Variants in TMEM220 observed in about 807,000 individuals in gnomAD.
The protein encoded by TMEM220 is transmembrane protein 220.
Under a neutral mutation model 21.7 loss-of-function variants are expected in TMEM220, and 21 were observed. The ratio of observed to expected loss-of-function variants is 0.97; its 90% CI spans 0.69 to 1.39. TMEM220 has a LOEUF of 1.39. Among genes scored for constraint, TMEM220 ranks in the 40% most tolerant of loss-of-function variants. The pLI, the probability that TMEM220 is intolerant of heterozygous loss-of-function variation, is 0.00. For missense variants in TMEM220, 191 were observed against 201.9 expected, an observed-to-expected ratio of 0.95 and a Z score of 0.33; for synonymous variants, 80 against 73.6, an observed-to-expected ratio of 1.09 and a Z score of -0.45.
chr17:10,723,321 G>C lies in TMEM220; in HGVS notation c.296C>G (p.Ser99Cys). 6.2e-7 allele frequency: 1 copy of C among 1,613,986 alleles called. No homozygotes were observed. The highest frequency in any genetic ancestry group is 8.5e-7 in the Non-Finnish European group (1 of 1,179,922). The change falls in exon 5 of 6, where the codon TCT becomes TGT. Residue 99 changes from serine (S) to cysteine (C), a missense_variant. Coordinates refer to ENST00000341871, the MANE Select transcript of TMEM220 (RefSeq NM_001004313.3). Reference protein sequence around the residue: ...ILHEEEGRELSGLVIITAWII... With the variant: ...ILHEEEGRELCGLVIITAWII... ...CCATGCTGTAATAATCACCAGACCAGACAGCTCCCTATAAAAGGGTGTACA... is the reference window on the plus strand; with the variant it reads ...CCATGCTGTAATAATCACCAGACCACACAGCTCCCTATAAAAGGGTGTACA...
chr17:10,729,758 C>T, intron 1 of TMEM220, 22 bp downstream of exon 1: 3 of 1,347,990 alleles, frequency 2.2e-6, no homozygotes, highest in Non-Finnish European at 2.9e-6. Flanking sequence ...GGCGGGTCCC[C>T]CTCCCACCGC....
chr17:10,711,393 C>T (rs556610845), downstream of TMEM220, among the ~76,000 whole-genome samples: 27 of 152,166 alleles, frequency 1.8e-4, no homozygotes, highest in African/African-American at 6.5e-4. Context: ...GCATATAGTC[C>T]TCATGAGGGA....
intron 5 of TMEM220, among the ~76,000 whole-genome samples, chr17:10,718,343 C>CTT (rs1481969196): frequency 6.6e-6 from 1 of 151,868 alleles, no homozygotes; most frequent in Non-Finnish European, 1.5e-5. Flanking sequence ...TCCTTGTGCT[C>CTT]TTTTTTCCTT....
At chr17:10,729,730 G>T (rs1054083190) in intron 1 of TMEM220, 50 bp downstream of exon 1, 4 of 1,307,468 alleles carry the variant, frequency 3.1e-6, no homozygotes, top group African/African-American at 1.5e-5. Flanking sequence ...CTAGGCCAGG[G>T]GGCGGAGCTG....
chr17:10,712,679 CAAGT>C (rs1220051213), downstream of TMEM220, among the ~76,000 whole-genome samples: 1 of 152,082 alleles, frequency 6.6e-6, no homozygotes, highest in Admixed American at 6.6e-5. Context: ...AAGAGTATAT[CAAGT>C]AAAATAGCAA....
rs756116273 is a variant in TMEM220 at position 10,715,560 on chromosome 17, C to T, written c.376G>A (p.Ala126Thr). 4 of 1,593,100 alleles carry T rather than the reference C, an allele frequency of 2.5e-6. No individual in the cohort carries two copies. In the Admixed American group the frequency reaches 7.5e-5, roughly 30 times the overall value. The change falls in exon 6 of 6, where the codon GCT becomes ACT. Residue 126 changes from alanine (A) to threonine (T), a missense_variant. Physicochemically the swap from Ala to Thr is moderately conservative, Grantham distance 58 (BLOSUM62 0). Transcript: ENST00000341871. Reference protein sequence around the residue: ...KNPVGGRIQLAIAIVITLFPF... With the variant: ...KNPVGGRIQLTIAIVITLFPF... Reference sequence around the variant, plus strand: ...AAAAGTGTGATTACAATGGCAATAGCCAATTGAATTCTTCCACCAACTGGA... The same window carrying T: ...AAAAGTGTGATTACAATGGCAATAGTCAATTGAATTCTTCCACCAACTGGA...
Position 10,726,509 on chromosome 17 carries a change from G to C in TMEM220, c.103-245C>G, listed in dbSNP as rs534874951. 9 of 544,504 alleles carry C rather than the reference G, an allele frequency of 1.7e-5. No homozygotes were observed. In the East Asian group the frequency reaches 1.8e-4, roughly 11 times the overall value. 33.7% of individuals were successfully genotyped at this position (544,504 alleles called of 1,614,324 possible). ...CTATTCCAGAAGCTCATTTATCTTT[G>C]AGCTCTAACACTGAGCACAGGGTTT... is the stretch of plus-strand genomic sequence containing the variant. On this transcript the variant is annotated intron_variant, in intron 2 of 5. Coordinates refer to ENST00000341871, the MANE Select transcript of TMEM220 (RefSeq NM_001004313.3).
At chr17:10,727,009 G>A (rs2075056480) in intron 2 of TMEM220, among the ~76,000 whole-genome samples, 1 of 152,178 alleles carries the variant, frequency 6.6e-6, no homozygotes, top group Admixed American at 6.5e-5. Context: ...AAGATGTTAA[G>A]GCAGGTGCCA....
At chr17:10,722,495 T>G (rs2075004489) in intron 5 of TMEM220, among the ~76,000 whole-genome samples, 1 of 152,200 alleles carries the variant, frequency 6.6e-6, no homozygotes, top group African/African-American at 2.4e-5. Context: ...CTACCAGTGG[T>G]TACCCTAATG....
rs1294033004 is a variant in TMEM220 at position 10,729,918 on chromosome 17, C to G, written c.-67G>C. 1.6e-6 allele frequency: 2 copies of G among 1,253,372 alleles called. No homozygotes were observed. Among genetic ancestry groups the G allele is most frequent in the Non-Finnish European group, 2.0e-6 (2 of 997,042 alleles). 77.6% of individuals were successfully genotyped at this position (1,253,372 alleles called of 1,614,324 possible). ...GCGGGGCGGTGAGTCCTGCCACGTA[C>G]GGTCCGCCTTCCTCCTTGCGCGGAG... is the stretch of plus-strand genomic sequence containing the variant. On this transcript the variant is annotated 5_prime_UTR_variant, in exon 1 of 6. Transcript: ENST00000341871.
At chr17:10,720,275 A>C (rs1248547495) in intron 5 of TMEM220, among the ~76,000 whole-genome samples, 1 of 152,246 alleles carries the variant, frequency 6.6e-6, no homozygotes, top group Non-Finnish European at 1.5e-5. Flanking sequence ...TAACTGCAGC[A>C]CTATTTTTAA....
chr17:10,729,012 G>A lies in TMEM220; in HGVS notation c.102+19C>T, dbSNP rs1597536230. The A allele has an allele frequency of 6.2e-7, 1 of 1,614,054 alleles. No individual in the cohort carries two copies. The highest frequency in any genetic ancestry group is 8.5e-7 in the Non-Finnish European group (1 of 1,179,916). ...AATTCTTCCAAACGGAGGAAAGCCTGGAAGCGGCTCATACTCACCACCCAC... is the reference window on the plus strand; with the variant it reads ...AATTCTTCCAAACGGAGGAAAGCCTAGAAGCGGCTCATACTCACCACCCAC... On this transcript the variant is annotated intron_variant, in intron 2 of 5. Transcript: ENST00000341871.
Position 10,729,842 on chromosome 17 carries a change from C to T in TMEM220, c.10G>A (p.Ala4Thr), listed in dbSNP as rs972311420. ...AGTCCGTTGCAGGCCCGCCACAGCG[C>T]TGGCGCCATGGCTCGGAGAACACGG... MAP[A>T]LWRACNGLMA... Residue 4 changes from alanine (A) to threonine (T), a missense_variant, in exon 1 of 6, where the codon GCG (alanine) becomes ACG (threonine). Physicochemically the swap from Ala to Thr is moderately conservative, Grantham distance 58. Transcript: ENST00000341871. 2.9e-5 allele frequency: 40 copies of T among 1,374,778 alleles called. No individual in the cohort carries two copies. In the African/African-American group the frequency reaches 5.1e-4, roughly 18 times the overall value. The allele number at this position is 1,374,778 out of a possible 1,614,324, so 85.2% of individuals were successfully genotyped here. A position where few individuals can be genotyped will look rare whatever the true frequency, so the allele number is the denominator to read the frequency against.
intron 3 of TMEM220, among the ~76,000 whole-genome samples, chr17:10,725,733 A>G (rs576597835): frequency 6.6e-6 from 1 of 152,290 alleles, no homozygotes; most frequent in African/African-American, 2.4e-5. Context: ...AGTAAACTGT[A>G]CCAATACCTT....
At chr17:10,718,148 A>C (rs558350649) in intron 5 of TMEM220, among the ~76,000 whole-genome samples, 1 of 152,288 alleles carries the variant, frequency 6.6e-6, no homozygotes, top group South Asian at 2.1e-4. Context: ...TTTAATAGTT[A>C]TGGGACTGTT....
At chr17:10,721,720 G>C (rs751144100) in intron 5 of TMEM220, among the ~76,000 whole-genome samples, 3 of 151,790 alleles carry the variant, frequency 2.0e-5, no homozygotes, top group Non-Finnish European at 4.4e-5. Context: ...TTGAAACTGG[G>C]TGATGAGTAT....
intron 5 of TMEM220, 93 bp from the exon 6 acceptor site, chr17:10,715,681 T>C: frequency 1.1e-6 from 1 of 933,426 alleles, no homozygotes; most frequent in South Asian, 2.2e-5. Flanking sequence ...TAATTACATT[T>C]TAGTATGTTC....
At position 10,726,196 on chromosome 17, in the gene TMEM220, G is replaced by A. The variant is rs756446237; in HGVS notation, c.163+8C>T. The A allele has an allele frequency of 6.2e-7, 1 of 1,611,350 alleles. No homozygotes were observed. Among genetic ancestry groups the A allele is most frequent in the East Asian group, 2.2e-5 (1 of 44,872 alleles). ...GCTGTCTCTCCATTTAGAATGCAAG[G>A]CTTATACCTGTGACTTCAGGGTTAA... On this transcript the variant is annotated splice_region_variant and intron_variant, in intron 3 of 5. Coordinates refer to ENST00000341871, the MANE Select transcript of TMEM220 (RefSeq NM_001004313.3).
chr17:10,718,871 A>G (rs977848783), intron 5 of TMEM220, among the ~76,000 whole-genome samples: 2 of 152,206 alleles, frequency 1.3e-5, no homozygotes, highest in African/African-American at 2.4e-5. Context: ...TTTTTGTAAA[A>G]TACTCAATGT....
Sources: gnomAD v4.1 joint callset for allele counts (sites outside exome capture counted in the v4.1 genomes callset) on GRCh38, gnomAD v4.1.1 for gene constraint, MANE v1.5 for transcripts, NCBI Gene and HGNC (gene_info 2026-07-23, HGNC 2026-07-21) for gene names.